Variants in ZNF521 observed in about 807,000 individuals in gnomAD.
ZNF521 encodes LYST-interacting protein 3.
ZNF521 carries 14 observed loss-of-function variants against 105.5 expected under a neutral mutation model. The ratio of observed to expected loss-of-function variants is 0.13; its 90% CI spans 0.09 to 0.21. ZNF521 has a LOEUF of 0.21. Among genes scored for constraint, ZNF521 ranks in the 10% least tolerant of loss-of-function variants. ZNF521 has a pLI of 1.00. For missense variants in ZNF521, 1,233 were observed against 1,629.7 expected, an observed-to-expected ratio of 0.76 and a Z score of 4.19; for synonymous variants, 635 against 606.0, an observed-to-expected ratio of 1.05 and a Z score of -0.70.
chr18:25,212,704 ATTT>A (rs2036214792), intron 4 of ZNF521, among the ~76,000 whole-genome samples: 2 of 150,552 alleles, frequency 1.3e-5, no homozygotes. Flanking sequence ...ATATCTGATC[ATTT>A]ATTCAAGTCT....
chr18:25,091,233 A>G (rs2033737662), intron 6 of ZNF521, among the ~76,000 whole-genome samples: 1 of 152,222 alleles, frequency 6.6e-6, no homozygotes, highest in African/African-American at 2.4e-5. Context: ...ATAATCACAA[A>G]GGATTTTCCA....
At chr18:25,305,062 TG>T (rs1389422389) in intron 3 of ZNF521, among the ~76,000 whole-genome samples, 1 of 152,234 alleles carries the variant, frequency 6.6e-6, no homozygotes. Context: ...GTTATCTTTA[TG>T]GTCATTTGTC....
At chr18:25,187,247 T>C (rs2035741938) in intron 5 of ZNF521, among the ~76,000 whole-genome samples, 1 of 152,208 alleles carries the variant, frequency 6.6e-6, no homozygotes, top group South Asian at 2.1e-4. Flanking sequence ...CTTTTCATAC[T>C]TAAAAGATGT....
At chr18:25,195,371 C>A in intron 4 of ZNF521, 127 bp from the exon 5 acceptor site, 2 of 677,792 alleles carry the variant, frequency 3.0e-6, no homozygotes, top group Non-Finnish European at 2.4e-6. Context: ...AACTACAGGG[C>A]CCCTTGGCCC....
intron 5 of ZNF521, among the ~76,000 whole-genome samples, chr18:25,096,068 A>G (rs1300124275): frequency 1.3e-5 from 2 of 152,322 alleles, no homozygotes; most frequent in East Asian, 1.9e-4. Flanking sequence ...ATCATTTCAC[A>G]TGTATAGAAA....
chr18:25,064,770 A>G (rs546269353), intron 7 of ZNF521, among the ~76,000 whole-genome samples: 3 of 152,314 alleles, frequency 2.0e-5, no homozygotes, highest in African/African-American at 4.8e-5. Flanking sequence ...AGCCTTGTGA[A>G]GAGGACTTAG....
At chr18:25,109,134 C>T (rs918122125) in intron 5 of ZNF521, among the ~76,000 whole-genome samples, 10 of 151,822 alleles carry the variant, frequency 6.6e-5, no homozygotes, top group Non-Finnish European at 5.9e-5. Flanking sequence ...TTTGGAGTTC[C>T]CAGTTTCTAT....
At position 25,254,553 on chromosome 18, in the gene ZNF521, T is replaced by C. The variant is rs537658881; in HGVS notation, c.221-26856A>G. On this transcript the variant is annotated intron_variant, in intron 3 of 7. Coordinates refer to ENST00000361524, the MANE Select transcript of ZNF521 (RefSeq NM_015461.3). ...TGGTTGTGGCTGATTTACAAAGTCC[T>C]TCTCCCTGGTAATTTACTAGATCAA... Among the ~76,000 whole-genome samples the C allele has an allele frequency of 8.6e-4, 131 of 152,244 alleles. 4 individuals are homozygous for C. Among genetic ancestry groups the C allele is most frequent in the Non-Finnish European group, 2.9e-4 (20 of 67,986 alleles).
At chr18:25,153,967 T>C (rs879595994) in intron 5 of ZNF521, among the ~76,000 whole-genome samples, 1 of 152,164 alleles carries the variant, frequency 6.6e-6, no homozygotes, top group East Asian at 1.9e-4. Flanking sequence ...AAATCAGGAA[T>C]AGGGCAAAAG....
chr18:25,128,170 T>G (rs1313527999), intron 5 of ZNF521, among the ~76,000 whole-genome samples: 1 of 151,838 alleles, frequency 6.6e-6, no homozygotes. Flanking sequence ...AGTTCAACAT[T>G]TGAAAATCAG....
intron 3 of ZNF521, among the ~76,000 whole-genome samples, chr18:25,238,554 A>G (rs1484784513): frequency 1.3e-5 from 2 of 152,210 alleles, no homozygotes; most frequent in East Asian, 1.9e-4. Context: ...AGAAAAAAAG[A>G]CACAGTCAAA....
At chr18:25,328,421 ACACACACACAC>A (rs1913360346) in intron 2 of ZNF521, among the ~76,000 whole-genome samples, 1 of 151,474 alleles carries the variant, frequency 6.6e-6, no homozygotes, top group Non-Finnish European at 1.5e-5. Context: ...ACACACACAC[ACACACACACAC>A]ACACACACAC....
At chr18:25,110,014 A>G (rs62082233) in intron 5 of ZNF521, among the ~76,000 whole-genome samples, 41,124 of 152,166 alleles carry the variant, frequency 0.27, 5,912 homozygotes, top group Non-Finnish European at 0.33. Context: ...TTCTTCTTCT[A>G]TATTCTTCCT....
intron 4 of ZNF521, among the ~76,000 whole-genome samples, chr18:25,209,952 C>T (rs926967697): frequency 7.9e-5 from 12 of 152,256 alleles, no homozygotes; most frequent in Non-Finnish European, 1.8e-4. Flanking sequence ...TCCACTTCAT[C>T]AACTTTGTGG....
chr18:25,092,556 A>G (rs934488586), intron 5 of ZNF521, among the ~76,000 whole-genome samples: 1 of 152,166 alleles, frequency 6.6e-6, no homozygotes, highest in Non-Finnish European at 1.5e-5. Flanking sequence ...ATTTCCAAGA[A>G]TTTCTGGCAA....
chr18:25,231,894 T>C (rs1041199974), intron 3 of ZNF521, among the ~76,000 whole-genome samples: 1 of 152,200 alleles, frequency 6.6e-6, no homozygotes, highest in Non-Finnish European at 1.5e-5. Context: ...TAGATGAAAA[T>C]ACTTTCTCTG....
chr18:25,240,969 A>AAAT (rs1316530377), intron 3 of ZNF521, among the ~76,000 whole-genome samples: 1 of 142,816 alleles, frequency 7.0e-6, no homozygotes, highest in Non-Finnish European at 1.5e-5. Flanking sequence ...AAAAAAAAAA[A>AAAT]GTTAGAGCAA....
intron 5 of ZNF521, among the ~76,000 whole-genome samples, chr18:25,141,815 C>T (rs1477482424): frequency 6.6e-6 from 1 of 152,058 alleles, no homozygotes; most frequent in African/African-American, 2.4e-5. Context: ...ACAAAATAAG[C>T]CCCAGTTTTC....
At chr18:25,295,963 C>A (rs1911300390) in intron 3 of ZNF521, among the ~76,000 whole-genome samples, 1 of 152,190 alleles carries the variant, frequency 6.6e-6, no homozygotes. Flanking sequence ...AATTGTCACA[C>A]TTTTTGCTAA....
Sources: gnomAD v4.1 joint callset for allele counts (sites outside exome capture counted in the v4.1 genomes callset) on GRCh38, gnomAD v4.1.1 for gene constraint, MANE v1.5 for transcripts, NCBI Gene and HGNC (gene_info 2026-07-23, HGNC 2026-07-21) for gene names.